The following EBF3 variants were observed in gnomAD, a reference collection of about 807,000 sequenced individuals.
EBF3 encodes the protein EBF transcription factor 3.
A neutral mutation model predicts 77.1 loss-of-function variants in EBF3; 18 were observed. The observed-to-expected ratio is 0.23, with a 90% CI of 0.16 to 0.35. The LOEUF is 0.35. Among genes scored for constraint, EBF3 ranks in the 10% least tolerant of loss-of-function variants. The probability of loss-of-function intolerance (pLI) is 1.00; values close to 1 mark genes in which losing one functional copy is unlikely to be tolerated. For synonymous variants in EBF3, 350 were observed against 343.5 expected, an observed-to-expected ratio of 1.02 and a Z score of -0.21; for missense variants, 558 against 860.0, an observed-to-expected ratio of 0.65 and a Z score of 4.39.
rs1169700287 is a variant in EBF3 at position 129,943,241 on chromosome 10, T to C, written c.554+14017A>G. On this transcript the variant is annotated intron_variant, in intron 6 of 16. Transcript: ENST00000440978. The surrounding 1 kb of genome is among the most constrained non-coding windows in gnomAD (Gnocchi z 8.8). Reference sequence around the variant, plus strand: ...CAGTTGGAGGGGATTTCAGCGGCTCTCCACAAACAAATAAACAGCAAATAC... The same window carrying C: ...CAGTTGGAGGGGATTTCAGCGGCTCCCCACAAACAAATAAACAGCAAATAC... Among the ~76,000 whole-genome samples the C allele has an allele frequency of 1.3e-5, 2 of 152,192 alleles. No individual in the cohort carries two copies. The highest frequency in any genetic ancestry group is 1.9e-4 in the East Asian group (1 of 5,192).
intron 8 of EBF3, 40 bp downstream of exon 8, chr10:129,873,412 A>T (rs750484895): frequency 4.5e-5 from 66 of 1,475,416 alleles, no homozygotes; most frequent in Non-Finnish European, 5.7e-5. Flanking sequence ...AAAGAAAAAG[A>T]AGCATCGCAA....
rs556073531 is a variant in EBF3, at chr10:129,907,812, C to T, written c.555-29963G>A. Among the ~76,000 whole-genome samples, 7 of 152,204 alleles carry T rather than the reference C, an allele frequency of 4.6e-5. No homozygotes were observed. In the South Asian group the frequency reaches 1.2e-3, roughly 27 times the overall value. ...ACACTCTCAGGTAATCGTACGTTGTCGCATGTAAAGTGCACTCTCCTGGTT... is the reference window on the plus strand; with the variant it reads ...ACACTCTCAGGTAATCGTACGTTGTTGCATGTAAAGTGCACTCTCCTGGTT... On this transcript the variant is annotated intron_variant, in intron 6 of 16. Transcript: ENST00000440978.
At chr10:129,843,100 G>T (rs994750859) in intron 12 of EBF3, 37 bp downstream of exon 12, 5 of 1,604,282 alleles carry the variant, frequency 3.1e-6, no homozygotes, top group Admixed American at 3.4e-5. Context: ...TCTGGCATGG[G>T]GGGGAGGATG....
intron 6 of EBF3, among the ~76,000 whole-genome samples, chr10:129,920,462 G>T (rs1856215433): frequency 6.6e-6 from 1 of 152,194 alleles, no homozygotes; most frequent in African/African-American, 2.4e-5. Flanking sequence ...CAAGGGCGGG[G>T]GCGGCACAGC....
chr10:129,894,586 C>T (rs1277352434), intron 6 of EBF3, among the ~76,000 whole-genome samples: 1 of 152,182 alleles, frequency 6.6e-6, no homozygotes, highest in Non-Finnish European at 1.5e-5. Context: ...AGGCTTTCTA[C>T]TCTGCTTGGA....
intron 6 of EBF3, among the ~76,000 whole-genome samples, chr10:129,932,213 T>C (rs1857071187): frequency 6.6e-6 from 1 of 152,242 alleles, no homozygotes; most frequent in African/African-American, 2.4e-5. Flanking sequence ...GGTATTATTG[T>C]TGCTTTCATA....
chr10:129,914,702 C>A (rs1353123463), intron 6 of EBF3, among the ~76,000 whole-genome samples: 1 of 152,170 alleles, frequency 6.6e-6, no homozygotes. Context: ...CGGGCCCATG[C>A]TCCACCTTTG....
In EBF3 at chr10:129,839,192, G is replaced by C. The variant is rs748555936; in HGVS notation, c.1763C>G (p.Ser588Cys). The change falls in exon 16 of 17, where the codon TCT becomes TGT. Residue 588 changes from serine (S) to cysteine (C), a missense_variant. By Grantham distance (112) the Ser-to-Cys change is moderately radical (BLOSUM62 -1). Around this residue, in one of 5 missense-constraint regions of EBF3, gnomAD observed 284 missense variants for 368.3 expected, o/e 0.77. Transcript: ENST00000440978. ...GGCTACGTCCTCAGCACCCAGCAGA[G>C]AGCCTGGTACATAGTAGGTGCTCAG... is the stretch of plus-strand genomic sequence containing the variant. ...TSANGNGLQG[S>C]LLGAEDVAAE... The C allele has an allele frequency of 5.9e-5, 75 of 1,267,528 alleles. No homozygotes were observed. Among genetic ancestry groups the C allele is most frequent in the Non-Finnish European group, 7.6e-5 (73 of 955,500 alleles). The allele number at this position is 1,267,528 out of a possible 1,614,324, so 78.5% of individuals were successfully genotyped here. A position where few individuals can be genotyped will look rare whatever the true frequency, so the allele number is the denominator to read the frequency against.
chr10:129,949,706 C>T (rs1858513793), intron 6 of EBF3, among the ~76,000 whole-genome samples: 1 of 152,132 alleles, frequency 6.6e-6, no homozygotes, highest in Admixed American at 6.5e-5. Context: ...TTCAGCAGCT[C>T]CCTAACATCC....
chr10:129,927,571 G>A (rs1469914374), intron 6 of EBF3, among the ~76,000 whole-genome samples: 1 of 152,156 alleles, frequency 6.6e-6, no homozygotes, highest in Non-Finnish European at 1.5e-5. Flanking sequence ...GCAACGACGG[G>A]GAGCTCACCC....
Position 129,837,820 on chromosome 10 carries a change from C to T in EBF3, c.*123G>A. Reference sequence around the variant, plus strand: ...GTCTTTTGTAGCATTTCAATTGCTGCTGATTTTTTTGAAGATACTGTTTCC... The same window carrying T: ...GTCTTTTGTAGCATTTCAATTGCTGTTGATTTTTTTGAAGATACTGTTTCC... On this transcript the variant is annotated 3_prime_UTR_variant, in exon 17 of 17. Coordinates refer to ENST00000440978, the MANE Select transcript of EBF3 (RefSeq NM_001375380.1). 1 of 1,325,818 alleles carries T rather than the reference C, an allele frequency of 7.5e-7. No homozygotes were observed. Among genetic ancestry groups the T allele is most frequent in the Non-Finnish European group, 1.1e-6 (1 of 942,430 alleles). The allele number at this position is 1,325,818 out of a possible 1,614,324, so 82.1% of individuals were successfully genotyped here.
chr10:129,854,925 G>T (rs1851145320), intron 10 of EBF3, among the ~76,000 whole-genome samples: 1 of 152,198 alleles, frequency 6.6e-6, no homozygotes, highest in South Asian at 2.1e-4. Flanking sequence ...AGCCTGGCAG[G>T]AAGACGTCAG....
At chr10:129,960,158 C>G (rs966660355) in intron 4 of EBF3, among the ~76,000 whole-genome samples, 1 of 152,038 alleles carries the variant, frequency 6.6e-6, no homozygotes, top group Non-Finnish European at 1.5e-5. Flanking sequence ...AGGCTGGGGC[C>G]GGGAGCTCCA....
chr10:129,892,667 G>A (rs1484951102), intron 6 of EBF3, among the ~76,000 whole-genome samples: 1 of 152,234 alleles, frequency 6.6e-6, no homozygotes, highest in African/African-American at 2.4e-5. Context: ...ATTAGTCCAT[G>A]TCTAAGAGTA....
At chr10:129,859,493 G>A (rs1345606369) in intron 10 of EBF3, among the ~76,000 whole-genome samples, 2 of 152,178 alleles carry the variant, frequency 1.3e-5, no homozygotes, top group Non-Finnish European at 2.9e-5. Context: ...CCAAAGTGCT[G>A]GGATTACAGG....
intron 6 of EBF3, among the ~76,000 whole-genome samples, chr10:129,882,525 C>T (rs1440444909): frequency 6.6e-6 from 1 of 152,226 alleles, no homozygotes; most frequent in Non-Finnish European, 1.5e-5. Context: ...CCATGGGGCT[C>T]TAGTGGGTTC....
At chr10:129,925,375 C>A (rs1319742553) in intron 6 of EBF3, among the ~76,000 whole-genome samples, 1 of 151,706 alleles carries the variant, frequency 6.6e-6, no homozygotes, top group Non-Finnish European at 1.5e-5. Context: ...GTACACAGAC[C>A]ACTCAGGAGT....
intron 10 of EBF3, among the ~76,000 whole-genome samples, chr10:129,850,349 G>C (rs574552809): frequency 6.6e-6 from 1 of 152,380 alleles, no homozygotes; most frequent in South Asian, 2.1e-4. Flanking sequence ...TTCTGGGAGA[G>C]ACGCTTTCCA....
In EBF3 at chr10:129,899,326, AT is replaced by A. The variant is rs370618163; in HGVS notation, c.555-21478del. Among the ~76,000 whole-genome samples the A allele has an allele frequency of 9.1e-4, 139 of 152,318 alleles. 1 individual carries two copies. The highest frequency in any genetic ancestry group is 3.2e-3 in the African/African-American group (134 of 41,586). On this transcript the variant is annotated intron_variant, in intron 6 of 16. Coordinates refer to ENST00000440978, the MANE Select transcript of EBF3 (RefSeq NM_001375380.1). The stretch of plus-strand genomic sequence containing the variant: ...CTAAACAATCCGCTGGCATTTCTTG[AT>A]GCCAGCAGAGTGCCACAAAGCCCCA...
Sources: gnomAD v4.1 joint callset for allele counts (sites outside exome capture counted in the v4.1 genomes callset) on GRCh38, gnomAD v4.1.1 for gene constraint, gnomAD v4.1.1 regional missense constraint, Gnocchi (gnomAD v3.1) non-coding constraint, MANE v1.5 for transcripts, NCBI Gene and HGNC (gene_info 2026-07-23, HGNC 2026-07-21) for gene names.